SORCS1: variants seen among roughly 807,000 people sequenced by gnomAD.
The protein encoded by SORCS1 is VPS10 domain-containing receptor SorCS1.
A neutral mutation model predicts 146.1 loss-of-function variants in SORCS1; 60 were observed. The ratio of observed to expected loss-of-function variants is 0.41; its 90% CI spans 0.33 to 0.51. The LOEUF is 0.51. Ranked by LOEUF, SORCS1 falls within the 20% of genes least tolerant of loss-of-function variation. SORCS1 has a pLI of 0.21. For synonymous variants in SORCS1, 637 were observed against 584.0 expected (o/e 1.09, Z -1.31); for missense variants, 1,352 against 1,487.6 (o/e 0.91, Z 1.50).
chr10:106,640,933 G>A (rs568600277), intron 18 of SORCS1, among the ~76,000 whole-genome samples: 2 of 152,162 alleles, frequency 1.3e-5, no homozygotes, highest in Non-Finnish European at 2.9e-5. Context: ...TGGATTAATT[G>A]TTCTTTATTT....
chr10:106,933,646 A>C (rs1267249562), intron 2 of SORCS1, among the ~76,000 whole-genome samples: 5 of 151,460 alleles, frequency 3.3e-5, no homozygotes, highest in Non-Finnish European at 7.4e-5. Flanking sequence ...ATGCCCCCCC[A>C]CCCCCAGCTA....
intron 1 of SORCS1, among the ~76,000 whole-genome samples, chr10:106,964,721 CCTT>C (rs1163880098): frequency 1.3e-5 from 2 of 152,090 alleles, no homozygotes; most frequent in Non-Finnish European, 2.9e-5. Context: ...CTCCTGACCT[CCTT>C]ATCTGCCTGC....
chr10:106,762,970 T>TTC (rs1859256064), intron 4 of SORCS1, among the ~76,000 whole-genome samples: 2 of 152,020 alleles, frequency 1.3e-5, no homozygotes, highest in South Asian at 4.2e-4. Flanking sequence ...GAGTATCCGC[T>TTC]TCTCTCTCTC....
At chr10:106,812,675 T>C (rs1236329974) in intron 3 of SORCS1, among the ~76,000 whole-genome samples, 1 of 152,196 alleles carries the variant, frequency 6.6e-6, no homozygotes. Context: ...GTTCAGTGTT[T>C]AATAGAGTAA....
chr10:106,728,752 G>A lies in SORCS1; in HGVS notation c.1024+1298C>T, dbSNP rs571925209. 2.7e-3 allele frequency among the ~76,000 whole-genome samples: 404 copies of A among 152,276 alleles called. 1 individual carries two copies. Among genetic ancestry groups the A allele is most frequent in the African/African-American group, 6.8e-3 (283 of 41,560 alleles). On this transcript the variant is annotated intron_variant, in intron 6 of 25. Coordinates refer to ENST00000263054, the MANE Select transcript of SORCS1 (RefSeq NM_052918.5). The stretch of plus-strand genomic sequence containing the variant: ...GAGCCAAGGACTGGTAGGCACAAAC[G>A]GCAGTGATTAGGGTGCTTTTGAATT...
intron 3 of SORCS1, among the ~76,000 whole-genome samples, chr10:106,814,690 G>A (rs919609373): frequency 7.9e-5 from 12 of 151,932 alleles, no homozygotes; most frequent in Admixed American, 3.3e-4. Flanking sequence ...CAAGGCGGGT[G>A]GATCACGAGG....
intron 19 of SORCS1, 44 bp from the exon 20 acceptor site, chr10:106,620,605 C>T: frequency 2.5e-6 from 4 of 1,602,762 alleles, no homozygotes; most frequent in Non-Finnish European, 3.4e-6. Flanking sequence ...GGAAGAGCTT[C>T]CTCTGCTCTG....
chr10:106,691,590 C>T lies in SORCS1; in HGVS notation c.1414-3252G>A, dbSNP rs115139914. On this transcript the variant is annotated intron_variant, in intron 9 of 25. Coordinates refer to ENST00000263054, the MANE Select transcript of SORCS1 (RefSeq NM_052918.5). ...ACATCGGTGCATTTCCTGTTGCCAA[C>T]GTGATGGTCTCAGAACACTTCCTTC... Among the ~76,000 whole-genome samples the T allele has an allele frequency of 8.4e-3, 1,279 of 152,284 alleles. 19 individuals are homozygous for T. The highest frequency in any genetic ancestry group is 0.029 in the African/African-American group (1,210 of 41,548).
intron 10 of SORCS1, among the ~76,000 whole-genome samples, chr10:106,685,672 T>C (rs1429480918): frequency 6.6e-6 from 1 of 152,076 alleles, no homozygotes; most frequent in South Asian, 2.1e-4. Context: ...CCACTCTGGC[T>C]TACATATAAG....
chr10:107,113,207 T>C (rs936872154), intron 1 of SORCS1, among the ~76,000 whole-genome samples: 6 of 151,966 alleles, frequency 3.9e-5, no homozygotes, highest in South Asian at 2.1e-4. Context: ...GAAATAATTA[T>C]GAAAAACTCA....
chr10:107,087,323 T>C (rs1389124890), intron 1 of SORCS1, among the ~76,000 whole-genome samples: 1 of 152,186 alleles, frequency 6.6e-6, no homozygotes, highest in Non-Finnish European at 1.5e-5. Context: ...ACAGTGGCTC[T>C]GGCCAGTCCA....
At chr10:106,645,506 T>A (rs1589553185) in intron 18 of SORCS1, among the ~76,000 whole-genome samples, 2 of 152,188 alleles carry the variant, frequency 1.3e-5, no homozygotes, top group East Asian at 3.8e-4. Context: ...TATTAGTCTT[T>A]TAAAATGTAA....
intron 2 of SORCS1, among the ~76,000 whole-genome samples, chr10:106,895,115 CAGTT>C (rs986971906): frequency 1.3e-5 from 2 of 152,148 alleles, no homozygotes; most frequent in African/African-American, 2.4e-5. Flanking sequence ...TAAGACCTCA[CAGTT>C]AGATGATTTC....
chr10:106,671,942 A>G (rs1384055639), intron 15 of SORCS1, among the ~76,000 whole-genome samples: 2 of 152,216 alleles, frequency 1.3e-5, no homozygotes, highest in Non-Finnish European at 2.9e-5. Flanking sequence ...GTGCATCCCA[A>G]AGGAGAAAAT....
chr10:106,825,146 T>G (rs1313421475), intron 3 of SORCS1, among the ~76,000 whole-genome samples: 3 of 152,050 alleles, frequency 2.0e-5, no homozygotes, highest in Admixed American at 6.6e-5. Flanking sequence ...GAGAACAGCT[T>G]GGGTTAGTTG....
intron 23 of SORCS1, chr10:106,600,496 GA>G (rs1846174922): frequency 1.0e-5 from 10 of 983,910 alleles, no homozygotes; most frequent in Non-Finnish European, 1.1e-5. Flanking sequence ...AAATGAGTAT[GA>G]AACTGTTGAC....
chr10:106,680,274 G>A (rs953671124), intron 10 of SORCS1, among the ~76,000 whole-genome samples: 2 of 152,152 alleles, frequency 1.3e-5, no homozygotes, highest in African/African-American at 4.8e-5. Flanking sequence ...GAAAAGCTGA[G>A]CAGCACAGTA....
At chr10:107,029,423 T>C (rs1258385222) in intron 1 of SORCS1, among the ~76,000 whole-genome samples, 4 of 152,204 alleles carry the variant, frequency 2.6e-5, no homozygotes, top group African/African-American at 9.6e-5. Flanking sequence ...ACACTTCTCA[T>C]TCACGCATTC....
At chr10:106,991,435 G>A (rs182576037) in intron 1 of SORCS1, among the ~76,000 whole-genome samples, 1 of 152,292 alleles carries the variant, frequency 6.6e-6, no homozygotes, top group East Asian at 1.9e-4. Flanking sequence ...CTGGTGAGCT[G>A]GCCTGAGATG....
Sources: allele counts gnomAD v4.1 joint callset (sites outside exome capture counted in the v4.1 genomes callset), GRCh38; gene constraint gnomAD v4.1.1; transcripts MANE v1.5; gene names NCBI Gene and HGNC (gene_info 2026-07-23, HGNC 2026-07-21).